LRRC4C: variants seen among roughly 807,000 people sequenced by gnomAD.
LRRC4C encodes the protein leucine rich repeat containing 4C.
Under a neutral mutation model 33.6 loss-of-function variants are expected in LRRC4C, and 5 were observed. The ratio of observed to expected loss-of-function variants is 0.15; its 90% CI spans 0.08 to 0.31. LRRC4C has a LOEUF of 0.31. Ranked by LOEUF, LRRC4C falls within the 10% of genes least tolerant of loss-of-function variation. The pLI, the probability that LRRC4C is intolerant of heterozygous loss-of-function variation, is 1.00. For missense variants in LRRC4C, 560 were observed against 796.7 expected, an observed-to-expected ratio of 0.70 and a Z score of 3.58; for synonymous variants, 329 against 302.0, an observed-to-expected ratio of 1.09 and a Z score of -0.93.
intron 3 of LRRC4C, among the ~76,000 whole-genome samples, chr11:40,504,441 C>G (rs562194075): frequency 6.9e-6 from 1 of 145,320 alleles, no homozygotes; most frequent in South Asian, 2.1e-4. Context: ...CTCAGATGAA[C>G]AGAATATGAA....
At chr11:40,983,999 T>C (rs1482672284) in intron 1 of LRRC4C, among the ~76,000 whole-genome samples, 1 of 152,180 alleles carries the variant, frequency 6.6e-6, no homozygotes, top group East Asian at 1.9e-4. Flanking sequence ...TGTTGCCAGT[T>C]GCTACTATAC....
intron 3 of LRRC4C, among the ~76,000 whole-genome samples, chr11:40,469,321 C>T (rs1408129012): frequency 6.6e-6 from 1 of 152,134 alleles, no homozygotes; most frequent in Non-Finnish European, 1.5e-5. Flanking sequence ...CATGAGGGAC[C>T]ATGCCGTGAG....
At chr11:40,216,164 T>C (rs1863963070) in intron 5 of LRRC4C, among the ~76,000 whole-genome samples, 1 of 152,186 alleles carries the variant, frequency 6.6e-6, no homozygotes, top group Non-Finnish European at 1.5e-5. Context: ...AGATACATTA[T>C]CTTGGAGTGT....
chr11:41,126,569 G>C (rs1196423274), intron 1 of LRRC4C, among the ~76,000 whole-genome samples: 1 of 151,988 alleles, frequency 6.6e-6, no homozygotes, highest in Non-Finnish European at 1.5e-5. Flanking sequence ...TATTGCTATA[G>C]TACTAACTCC....
chr11:40,498,884 A>T (rs988233362), intron 3 of LRRC4C, among the ~76,000 whole-genome samples: 9 of 152,232 alleles, frequency 5.9e-5, no homozygotes, highest in African/African-American at 2.2e-4. Flanking sequence ...AAATGATCTC[A>T]GTGATTGTGA....
intron 3 of LRRC4C, among the ~76,000 whole-genome samples, chr11:40,612,852 G>A (rs1164488518): frequency 6.6e-6 from 1 of 151,740 alleles, no homozygotes; most frequent in East Asian, 1.9e-4. Flanking sequence ...AGCAAATATA[G>A]CAATAAAGAG....
intron 3 of LRRC4C, among the ~76,000 whole-genome samples, chr11:40,541,821 T>C (rs796140242): frequency 1.8e-4 from 28 of 152,194 alleles, no homozygotes; most frequent in African/African-American, 6.0e-4. Flanking sequence ...GTTAAATATA[T>C]GAAAGCCAAG....
Position 41,320,251 on chromosome 11 carries a change from C to T in LRRC4C, c.-496+139180G>A, listed in dbSNP as rs535602852. On this transcript the variant is annotated intron_variant, in intron 1 of 6. Transcript: ENST00000528697. ...GAGGTGTTTCATATGAAAGCTTCTT[C>T]AAATGTTAGATTCATAACTGACCAT... Among the ~76,000 whole-genome samples the T allele has an allele frequency of 2.0e-5, 3 of 152,302 alleles. No homozygotes were observed. In the South Asian group the frequency reaches 6.2e-4, roughly 32 times the overall value.
chr11:40,916,573 G>A, intron 2 of LRRC4C, among the ~76,000 whole-genome samples: 1 of 152,078 alleles, frequency 6.6e-6, no homozygotes, highest in Non-Finnish European at 1.5e-5. Flanking sequence ...GGGAGGGATA[G>A]CATTAGGAGA....
At chr11:40,838,010 T>C (rs1952752703) in intron 2 of LRRC4C, among the ~76,000 whole-genome samples, 1 of 152,160 alleles carries the variant, frequency 6.6e-6, no homozygotes, top group Non-Finnish European at 1.5e-5. Flanking sequence ...ATTAAATGCA[T>C]CTACTAGTGC....
At chr11:40,697,978 T>G (rs531129023) in intron 2 of LRRC4C, among the ~76,000 whole-genome samples, 25 of 148,646 alleles carry the variant, frequency 1.7e-4, no homozygotes, top group Non-Finnish European at 3.3e-4. Flanking sequence ...TGAGGCAGGA[T>G]AATGGCATGA....
Position 41,055,667 on chromosome 11 carries a change from T to C in LRRC4C, c.-495-121944A>G, listed in dbSNP as rs140616748. 2.5e-3 allele frequency among the ~76,000 whole-genome samples: 381 copies of C among 152,276 alleles called. 3 individuals are homozygous for C. Among genetic ancestry groups the C allele is most frequent in the African/African-American group, 8.6e-3 (358 of 41,566 alleles). On this transcript the variant is annotated intron_variant, in intron 1 of 6. Coordinates refer to ENST00000528697, the MANE Select transcript of LRRC4C (RefSeq NM_001258419.2). ...ATTTTATATCAAACACTTACAAAATTATGTCTCTGTAAAGGGGGTTGAATT... is the reference window on the plus strand; with the variant it reads ...ATTTTATATCAAACACTTACAAAATCATGTCTCTGTAAAGGGGGTTGAATT...
In LRRC4C at chr11:41,048,260, C is replaced by CTTTTTTT. The variant is rs35599405; in HGVS notation, c.-495-114544_-495-114538dup. On this transcript the variant is annotated intron_variant, in intron 1 of 6. Transcript: ENST00000528697. Reference sequence around the variant, plus strand: ...TAAGATTTTCAGTTTAGATTCTTTACTTTTTTTTTTTTTTTTTTTTTGGAG... The same window carrying CTTTTTTT: ...TAAGATTTTCAGTTTAGATTCTTTACTTTTTTTTTTTTTTTTTTTTTTTTTTTTGGAG... 2.4e-4 allele frequency among the ~76,000 whole-genome samples: 26 copies of CTTTTTTT among 107,084 alleles called. 1 individual carries two copies. Among genetic ancestry groups the CTTTTTTT allele is most frequent in the Non-Finnish European group, 3.9e-4 (22 of 55,860 alleles). The allele number at this position is 107,084 out of a possible 152,430, so 70.3% of individuals were successfully genotyped here. A position where few individuals can be genotyped will look rare whatever the true frequency, so the allele number is the denominator to read the frequency against.
chr11:41,100,272 CA>C (rs1471083673), intron 1 of LRRC4C, among the ~76,000 whole-genome samples: 1 of 151,950 alleles, frequency 6.6e-6, no homozygotes, highest in East Asian at 1.9e-4. Flanking sequence ...GAATCAGTAT[CA>C]TTAAAATAGC....
chr11:41,350,800 C>T (rs972372321), intron 1 of LRRC4C, among the ~76,000 whole-genome samples: 36 of 152,270 alleles, frequency 2.4e-4, no homozygotes, highest in Admixed American at 2.0e-3. Context: ...CCAAACTAAT[C>T]TTCTAGAGCT....
intron 1 of LRRC4C, among the ~76,000 whole-genome samples, chr11:40,969,472 A>C (rs1565254531): frequency 6.6e-6 from 1 of 151,682 alleles, no homozygotes; most frequent in African/African-American, 2.4e-5. Flanking sequence ...CAAAAAAAAA[A>C]AAAACTATTT....
At chr11:40,399,584 A>C (rs1949681243) in intron 3 of LRRC4C, among the ~76,000 whole-genome samples, 2 of 151,984 alleles carry the variant, frequency 1.3e-5, no homozygotes, top group African/African-American at 4.8e-5. Flanking sequence ...CCTAATGCTA[A>C]ATGACGAGTT....
At chr11:40,336,145 C>G (rs1272238041) in intron 3 of LRRC4C, among the ~76,000 whole-genome samples, 1 of 152,196 alleles carries the variant, frequency 6.6e-6, no homozygotes, top group Non-Finnish European at 1.5e-5. Flanking sequence ...GCAGTCAAAA[C>G]AAAATCCCTG....
chr11:40,922,161 C>T (rs1957211035), intron 2 of LRRC4C, among the ~76,000 whole-genome samples: 1 of 152,122 alleles, frequency 6.6e-6, no homozygotes, highest in Non-Finnish European at 1.5e-5. Flanking sequence ...ATATTTCTCT[C>T]TCCCTTCTTT....
Sources: gnomAD v4.1 joint callset for allele counts (sites outside exome capture counted in the v4.1 genomes callset) on GRCh38, gnomAD v4.1.1 for gene constraint, MANE v1.5 for transcripts, NCBI Gene and HGNC (gene_info 2026-07-23, HGNC 2026-07-21) for gene names.